The following DNMT1 variants were observed in gnomAD, a reference collection of about 807,000 sequenced individuals.
DNMT1 encodes DNA methyltransferase 1.
A neutral mutation model predicts 205.3 loss-of-function variants in DNMT1; 24 were observed. That is an observed-to-expected ratio of 0.12 (90% confidence interval 0.08 to 0.16). The LOEUF (loss-of-function observed/expected upper bound fraction) is 0.16. Ranked by LOEUF, DNMT1 falls within the 10% of genes least tolerant of loss-of-function variation. DNMT1 has a pLI of 1.00. For synonymous variants in DNMT1, 817 were observed against 839.8 expected (o/e 0.97, Z 0.47); for missense variants, 1,293 against 2,177.7 (o/e 0.59, Z 8.09).
At chr19:10,171,672 G>A (rs1312184253) in intron 9 of DNMT1, among the ~76,000 whole-genome samples, 1 of 152,080 alleles carries the variant, frequency 6.6e-6, no homozygotes, top group Non-Finnish European at 1.5e-5. Flanking sequence ...GGGCATGGTG[G>A]CAGGCGCCTG....
intron 28 of DNMT1, 40 bp from the exon 29 acceptor site, chr19:10,144,027 C>G: frequency 6.2e-7 from 1 of 1,602,258 alleles, no homozygotes; most frequent in Non-Finnish European, 8.5e-7. Context: ...GAACCTTCCA[C>G]CTTGCAGTGG....
At chr19:10,194,336 C>G (rs2145416148) in intron 1 of DNMT1, among the ~76,000 whole-genome samples, 1 of 152,258 alleles carries the variant, frequency 6.6e-6, no homozygotes, top group South Asian at 2.1e-4. Context: ...AGATGCACAG[C>G]TTTGGGGGAA....
rs2089424701 is a variant in DNMT1 at position 10,133,926 on chromosome 19, A to G, written c.4865-225T>C. Among the ~76,000 whole-genome samples, 1 of 152,230 alleles carries G rather than the reference A, an allele frequency of 6.6e-6. No homozygotes were observed. The highest frequency in any genetic ancestry group is 2.4e-5 in the African/African-American group (1 of 41,462). ...AGAGGCTCAAGTGAGCAGCTGAGGC[A>G]GGTGCCTGCTGAGCCAAATTCACCG... On this transcript the variant is annotated intron_variant, in intron 40 of 40. Transcript: ENST00000359526. The surrounding 1 kb of genome is among the most constrained non-coding windows in gnomAD (Gnocchi z 4.1).
At chr19:10,149,994 G>T in intron 24 of DNMT1, 26 bp from the exon 25 acceptor site, 1 of 1,603,760 alleles carries the variant, frequency 6.2e-7, no homozygotes, top group South Asian at 1.1e-5. Flanking sequence ...TAAGTTCATG[G>T]AGGATCATTC....
In DNMT1 at chr19:10,156,323, A is replaced by T. The variant is rs2038456453; in HGVS notation, c.1399+68T>A. The T allele has an allele frequency of 1.6e-6, 2 of 1,284,776 alleles. No homozygotes were observed. The highest frequency in any genetic ancestry group is 2.4e-5 in the South Asian group (2 of 83,958). 79.6% of individuals were successfully genotyped at this position (1,284,776 alleles called of 1,614,324 possible). On this transcript the variant is annotated intron_variant, in intron 18 of 40. Transcript: ENST00000359526. The surrounding 1 kb of genome is among the most constrained non-coding windows in gnomAD (Gnocchi z 4.2). ...CAGACCCCCAAAGTGCTAGGATTAC[A>T]GATGTGAGCCACCCTGCCTGGCTGT...
At chr19:10,136,435 G>A (rs915228455) in intron 37 of DNMT1, 148 bp from the exon 38 acceptor site, 8 of 979,038 alleles carry the variant, frequency 8.2e-6, no homozygotes, top group African/African-American at 6.5e-5. Context: ...CGTTCTCTGG[G>A]CACTGTTTTT....
intron 39 of DNMT1, among the ~76,000 whole-genome samples, chr19:10,135,143 G>A (rs1384464809): frequency 6.6e-6 from 1 of 150,920 alleles, no homozygotes; most frequent in Non-Finnish European, 1.5e-5. Flanking sequence ...AACCAGGGGG[G>A]TGGAAGTTGC....
At chr19:10,179,226 A>C (rs976301795) in intron 5 of DNMT1, among the ~76,000 whole-genome samples, 1 of 151,802 alleles carries the variant, frequency 6.6e-6, no homozygotes, top group Non-Finnish European at 1.5e-5. Flanking sequence ...ATAAGGTCTT[A>C]GAAGGAGTAA....
At chr19:10,182,693 G>A (rs1012314680) in intron 1 of DNMT1, among the ~76,000 whole-genome samples, 15 of 151,238 alleles carry the variant, frequency 9.9e-5, no homozygotes, top group Non-Finnish European at 2.1e-4. Context: ...AGACAGACAT[G>A]GAGTCTCGCT....
intron 30 of DNMT1, 63 bp from the exon 31 acceptor site, chr19:10,141,252 C>A (rs1316565149): frequency 1.3e-6 from 2 of 1,555,878 alleles, no homozygotes; most frequent in African/African-American, 1.4e-5. Context: ...CTAACGCAGA[C>A]TAGTAAGAAG....
In DNMT1 at chr19:10,137,767, G is replaced by A. The variant is rs2089519598; in HGVS notation, c.4293+65C>T. ...GTCTCCCCTGAGTCTTGGGCAGGCT[G>A]ACTGTTCCCACGAGGCTGCTGGGCT... On this transcript the variant is annotated intron_variant, in intron 36 of 40. Coordinates refer to ENST00000359526, the MANE Select transcript of DNMT1 (RefSeq NM_001130823.3). The surrounding 1 kb of genome is among the most constrained non-coding windows in gnomAD (Gnocchi z 6.4). 3 of 1,577,584 alleles carry A rather than the reference G, an allele frequency of 1.9e-6. No homozygotes were observed. The East Asian group carries it at 6.9e-5, about 36-fold the overall frequency.
chr19:10,169,720 C>A (rs1173096311), intron 9 of DNMT1, among the ~76,000 whole-genome samples: 1 of 152,052 alleles, frequency 6.6e-6, no homozygotes, highest in East Asian at 1.9e-4. Context: ...GAGCGGAGAT[C>A]GCACCACTGC....
intron 40 of DNMT1, 43 bp downstream of exon 40, chr19:10,134,174 G>A (rs1180071862): frequency 1.9e-6 from 3 of 1,608,788 alleles, no homozygotes; most frequent in African/African-American, 2.7e-5. Context: ...TACCCCCAGA[G>A]GGCAGTCAGG....
chr19:10,143,728 G>C, intron 29 of DNMT1, 38 bp downstream of exon 29: 1 of 1,609,726 alleles, frequency 6.2e-7, no homozygotes, highest in South Asian at 1.1e-5. Context: ...TTCTAGAAGA[G>C]TCTGTGGCCT....
At position 10,149,964 on chromosome 19, in the gene DNMT1, T is replaced by A. The variant is rs764389789; in HGVS notation, c.2270A>T (p.Asp757Val). ...CTTCTTATAGTAACTCTTCTTCCCA[T>A]CAGTCTGAAAATGAGAGCATAAGTT... The part of the protein sequence containing the change: ...ISWVGEAVKT[D>V]GKKSYYKKVC... The change falls in exon 25 of 41, where the codon GAT becomes GTT. Residue 757 changes from aspartate (D) to valine (V), a missense_variant. Asp to Val is a radical substitution (Grantham distance 152, BLOSUM62 -3). Around this residue, in one of 13 missense-constraint regions of DNMT1, gnomAD observed 197 missense variants for 353.6 expected, o/e 0.56. Coordinates refer to ENST00000359526, the MANE Select transcript of DNMT1 (RefSeq NM_001130823.3). 1.2e-6 allele frequency: 2 copies of A among 1,614,072 alleles called. No homozygotes were observed. Among genetic ancestry groups the A allele is most frequent in the Non-Finnish European group, 1.7e-6 (2 of 1,179,906 alleles).
At chr19:10,187,113 G>A (rs2145400238) in intron 1 of DNMT1, among the ~76,000 whole-genome samples, 1 of 151,894 alleles carries the variant, frequency 6.6e-6, no homozygotes, top group South Asian at 2.1e-4. Flanking sequence ...CGGAGGGAGG[G>A]CAAAAGCATC....
At chr19:10,161,943 G>C (rs2038578185) in intron 13 of DNMT1, among the ~76,000 whole-genome samples, 1 of 151,716 alleles carries the variant, frequency 6.6e-6, no homozygotes, top group South Asian at 2.1e-4. Flanking sequence ...CTGGGTTCAA[G>C]TGACTCTCCT....
Position 10,151,656 on chromosome 19 carries a change from G to C in DNMT1, c.2117+94C>G. On this transcript the variant is annotated intron_variant, in intron 23 of 40. Transcript: ENST00000359526. This position sits in a 1 kb window ranked among gnomAD's most constrained non-coding sequence, Gnocchi z 5.0. ...AGACAATGCCTAACGAAGGAATCCT[G>C]GTGCTGTCCCACACATGCAGGCCCT... The C allele has an allele frequency of 6.2e-7, 1 of 1,606,680 alleles. No homozygotes were observed. The highest frequency in any genetic ancestry group is 8.5e-7 in the Non-Finnish European group (1 of 1,174,656).
chr19:10,135,618 G>T (rs1450377146), intron 39 of DNMT1, 118 bp downstream of exon 39: 4 of 1,070,092 alleles, frequency 3.7e-6, no homozygotes, highest in Non-Finnish European at 5.5e-6. Flanking sequence ...GAGTGATGGG[G>T]CTACCCGGCA....
Sources: allele counts gnomAD v4.1 joint callset (sites outside exome capture counted in the v4.1 genomes callset), GRCh38; gene constraint gnomAD v4.1.1; regional missense constraint gnomAD v4.1.1; non-coding constraint Gnocchi (gnomAD v3.1); transcripts MANE v1.5; gene names NCBI Gene and HGNC (gene_info 2026-07-23, HGNC 2026-07-21).